Variants in PHKA2 observed in about 807,000 individuals in gnomAD.
PHKA2 encodes the protein phosphorylase b kinase regulatory subunit alpha, liver isoform.
Under a neutral mutation model 102.0 loss-of-function variants are expected in PHKA2, and 31 were observed. The ratio of observed to expected loss-of-function variants is 0.30; its 90% CI spans 0.23 to 0.41. The LOEUF (loss-of-function observed/expected upper bound fraction) is 0.41. PHKA2 is among the 10% of genes least tolerant of loss of function. PHKA2 has a pLI of 1.00. For synonymous variants in PHKA2, 455 were observed against 416.2 expected, an observed-to-expected ratio of 1.09 and a Z score of -1.13; for missense variants, 858 against 1,023.1, an observed-to-expected ratio of 0.84 and a Z score of 2.20.
At chrX:18,909,254 G>A (rs1456801249) in intron 20 of PHKA2, among the ~76,000 whole-genome samples, 1 of 112,150 alleles carries the variant, frequency 8.9e-6, no homozygotes, top group Non-Finnish European at 1.9e-5. Flanking sequence ...CAGAAAAGGA[G>A]AAAGAGATGG....
chrX:18,941,748 C>T lies in PHKA2; in HGVS notation c.718-73G>A, dbSNP rs772521146. On this transcript the variant is annotated intron_variant, in intron 7 of 32. Transcript: ENST00000379942. ...GCGCAGTATCTAGGGACCATGAGCTCGGCCCCAAGGGAACATTCGAATACG... is the reference window on the plus strand; with the variant it reads ...GCGCAGTATCTAGGGACCATGAGCTTGGCCCCAAGGGAACATTCGAATACG... The T allele has an allele frequency of 3.0e-5, 23 of 758,989 alleles. No individual in the cohort carries two copies. In the East Asian group the frequency reaches 3.2e-4, roughly 10 times the overall value. 62.5% of individuals were successfully genotyped at this position (758,989 alleles called of 1,213,427 possible). A position where few individuals can be genotyped will look rare whatever the true frequency, so the allele number is the denominator to read the frequency against.
At chrX:18,978,147 ACT>A (rs1473742005) in intron 1 of PHKA2, among the ~76,000 whole-genome samples, 1 of 109,859 alleles carries the variant, frequency 9.1e-6, no homozygotes, top group African/African-American at 3.3e-5. Context: ...ACAGAGCAAG[ACT>A]CTGTCTCAAA....
chrX:18,968,847 G>A, intron 1 of PHKA2, among the ~76,000 whole-genome samples: 2 of 112,591 alleles, frequency 1.8e-5, no homozygotes, highest in Middle Eastern at 9.3e-3. Flanking sequence ...GCCGGGCAAT[G>A]GCTCACGCCT....
intron 1 of PHKA2, among the ~76,000 whole-genome samples, chrX:18,976,683 A>G (rs2049094635): frequency 9.0e-6 from 1 of 111,537 alleles, no homozygotes. Context: ...ATGTACAGGG[A>G]AAAAACACAG....
chrX:18,964,411 G>A (rs1399755961), intron 1 of PHKA2, among the ~76,000 whole-genome samples: 2 of 112,154 alleles, frequency 1.8e-5, no homozygotes, highest in Non-Finnish European at 3.8e-5. Context: ...ATTAAGAATC[G>A]CTAAGTGCAT....
chrX:18,955,572 T>C (rs2048762314), intron 1 of PHKA2, among the ~76,000 whole-genome samples: 1 of 111,573 alleles, frequency 9.0e-6, no homozygotes, highest in Non-Finnish European at 1.9e-5. Flanking sequence ...AAGAGTCACA[T>C]AATGATAAAG....
chrX:18,938,803 T>C (rs1438036433), intron 9 of PHKA2, 54 bp from the exon 10 acceptor site: 2 of 1,086,313 alleles, frequency 1.8e-6, no homozygotes, highest in East Asian at 3.0e-5. Context: ...ACATACATAA[T>C]ACCATTGTGC....
At chrX:18,933,737 G>A (rs1031736265) in intron 11 of PHKA2, among the ~76,000 whole-genome samples, 1 of 111,931 alleles carries the variant, frequency 8.9e-6, no homozygotes, top group Non-Finnish European at 1.9e-5. Context: ...CATCTGGAAG[G>A]AGCCAACACA....
intron 1 of PHKA2, among the ~76,000 whole-genome samples, chrX:18,965,574 G>C (rs763351498): frequency 9.0e-6 from 1 of 111,017 alleles, no homozygotes; most frequent in African/African-American, 3.3e-5. Context: ...TCCATGAATC[G>C]CCTTTCTGGG....
chrX:18,935,964 C>T (rs1262702168), intron 11 of PHKA2, 91 bp downstream of exon 11: 12 of 635,829 alleles, frequency 1.9e-5, no homozygotes, highest in East Asian at 1.0e-4. Flanking sequence ...TTCATTAGTT[C>T]GAAAAAGGGG....
chrX:18,899,295 A>G lies in PHKA2; in HGVS notation c.3058-69T>C. On this transcript the variant is annotated intron_variant, in intron 28 of 32. Transcript: ENST00000379942. ...AAGAGACACAGCAGAGAGGAGGGTC[A>G]TGGAGCAGCATCCGAAACACCCACA... 3 of 896,579 alleles carry G rather than the reference A, an allele frequency of 3.3e-6. No individual in the cohort carries two copies. The Admixed American group carries it at 6.7e-5, about 20-fold the overall frequency. 73.9% of individuals were successfully genotyped at this position (896,579 alleles called of 1,213,427 possible). A position where few individuals can be genotyped will look rare whatever the true frequency, so the allele number is the denominator to read the frequency against.
At chrX:18,927,567 T>C (rs1421628225) in intron 13 of PHKA2, among the ~76,000 whole-genome samples, 1 of 112,185 alleles carries the variant, frequency 8.9e-6, no homozygotes, top group Non-Finnish European at 1.9e-5. Flanking sequence ...GTACAATACA[T>C]ATACATGCAG....
At chrX:18,947,196 G>A (rs1347795586) in intron 5 of PHKA2, among the ~76,000 whole-genome samples, 1 of 112,084 alleles carries the variant, frequency 8.9e-6, no homozygotes, top group African/African-American at 3.2e-5. Context: ...AAGTAGCTGC[G>A]ACAGAGACCC....
At chrX:18,944,854 G>A (rs991176954) in intron 6 of PHKA2, among the ~76,000 whole-genome samples, 5 of 112,229 alleles carry the variant, frequency 4.5e-5, no homozygotes, top group Non-Finnish European at 9.4e-5. Flanking sequence ...TAACCAGGAC[G>A]GAGCACTCTT....
intron 1 of PHKA2, among the ~76,000 whole-genome samples, chrX:18,968,315 C>T (rs1242069437): frequency 8.9e-6 from 1 of 112,184 alleles, no homozygotes; most frequent in African/African-American, 3.2e-5. Context: ...TCTTTAATGT[C>T]CGGCTTAATA....
intron 1 of PHKA2, among the ~76,000 whole-genome samples, chrX:18,956,964 G>A (rs910871956): frequency 7.1e-5 from 8 of 112,087 alleles, no homozygotes; most frequent in African/African-American, 2.3e-4. Context: ...GTGCAATGGC[G>A]TGATCTCAGC....
At chrX:18,970,617 T>C (rs922522926) in intron 1 of PHKA2, among the ~76,000 whole-genome samples, 7 of 112,343 alleles carry the variant, frequency 6.2e-5, no homozygotes, top group African/African-American at 2.3e-4. Context: ...TCCTTGTACA[T>C]GTTTCCTTGG....
chrX:18,898,523 A>C (rs757466280), intron 29 of PHKA2, among the ~76,000 whole-genome samples: 13 of 113,275 alleles, frequency 1.1e-4, no homozygotes, highest in African/African-American at 3.5e-4. Flanking sequence ...GTAAAGGGTT[A>C]AAGTGAAATC....
chrX:18,916,751 C>T (rs2048026114), intron 19 of PHKA2, among the ~76,000 whole-genome samples: 1 of 112,146 alleles, frequency 8.9e-6, no homozygotes, highest in African/African-American at 3.2e-5. Context: ...CCCTAGAAGC[C>T]AAGTAGATGC....
Sources: gnomAD v4.1 joint callset for allele counts (sites outside exome capture counted in the v4.1 genomes callset) on GRCh38, gnomAD v4.1.1 for gene constraint, MANE v1.5 for transcripts, NCBI Gene and HGNC (gene_info 2026-07-23, HGNC 2026-07-21) for gene names.